Variants in DLGAP2 observed in about 807,000 individuals in gnomAD.
The protein encoded by DLGAP2 is DLG associated protein 2, also known as disks large-associated protein 2.
In DLGAP2, 26 loss-of-function variants were observed where a neutral mutation model predicts 100.3. The observed-to-expected ratio is 0.26, with a 90% CI of 0.19 to 0.36. DLGAP2 has a LOEUF of 0.36. Ranked by LOEUF, DLGAP2 falls within the 10% of genes least tolerant of loss-of-function variation. The pLI is 1.00. For missense variants in DLGAP2, 1,858 were observed against 1,453.2 expected (o/e 1.28, Z -4.53); for synonymous variants, 886 against 630.1 (o/e 1.41, Z -6.08).
At chr8:1,567,309 G>A (rs190428048) in intron 6 of DLGAP2, among the ~76,000 whole-genome samples, 7 of 152,264 alleles carry the variant, frequency 4.6e-5, no homozygotes, top group African/African-American at 1.2e-4. Flanking sequence ...CGTCTTCTGG[G>A]GAAAAGCACA....
At chr8:956,668 C>T (rs1034023492) in intron 2 of DLGAP2, among the ~76,000 whole-genome samples, 10 of 152,218 alleles carry the variant, frequency 6.6e-5, no homozygotes, top group African/African-American at 2.4e-4. Context: ...AGATCTAATA[C>T]ATGTGATGGC....
At chr8:1,668,931 C>T (rs1277805772) in intron 9 of DLGAP2, among the ~76,000 whole-genome samples, 2 of 144,854 alleles carry the variant, frequency 1.4e-5, no homozygotes, top group Admixed American at 6.9e-5. Context: ...AGCTCCCTGT[C>T]CCCTGCCACC....
intron 1 of DLGAP2, among the ~76,000 whole-genome samples, chr8:746,392 G>A (rs1279007783): frequency 6.6e-6 from 1 of 152,244 alleles, no homozygotes; most frequent in Non-Finnish European, 1.5e-5. Context: ...GAGGAAACTG[G>A]GGAAGAGGGG....
intron 2 of DLGAP2, among the ~76,000 whole-genome samples, chr8:1,174,025 C>T (rs79435448): frequency 0.03 from 4,578 of 152,212 alleles, 117 homozygotes; most frequent in East Asian, 0.1. Context: ...ATCTTGGCTC[C>T]TCCGCTCGAT....
intron 2 of DLGAP2, among the ~76,000 whole-genome samples, chr8:982,323 A>G (rs1283093969): frequency 6.6e-6 from 1 of 152,212 alleles, no homozygotes; most frequent in African/African-American, 2.4e-5. Context: ...GACAGTTTTT[A>G]CTGTAATAAT....
At chr8:1,171,851 T>C (rs1202571786) in intron 2 of DLGAP2, among the ~76,000 whole-genome samples, 1 of 152,236 alleles carries the variant, frequency 6.6e-6, no homozygotes, top group Non-Finnish European at 1.5e-5. Context: ...TGCCAGTCTG[T>C]GTCTTTTAAT....
intron 3 of DLGAP2, among the ~76,000 whole-genome samples, chr8:1,372,130 A>G (rs1802253099): frequency 6.6e-6 from 1 of 152,152 alleles, no homozygotes; most frequent in Non-Finnish European, 1.5e-5. Context: ...CCTCACCTGC[A>G]GGCACCTACA....
intron 5 of DLGAP2, among the ~76,000 whole-genome samples, chr8:1,562,736 G>A (rs1584930276): frequency 3.5e-5 from 1 of 28,704 alleles, no homozygotes; most frequent in East Asian, 1.2e-3. Context: ...GTTACTGGGG[G>A]ACTGTGTGGT....
chr8:1,088,206 C>T (rs1307069209), intron 2 of DLGAP2, among the ~76,000 whole-genome samples: 2 of 152,228 alleles, frequency 1.3e-5, no homozygotes, highest in Non-Finnish European at 1.5e-5. Flanking sequence ...CTGCACTAGT[C>T]CTGGTAGCCA....
intron 6 of DLGAP2, among the ~76,000 whole-genome samples, chr8:1,624,409 G>A (rs1378936152): frequency 6.6e-6 from 1 of 151,934 alleles, no homozygotes. Flanking sequence ...TCCATAGCTC[G>A]GGGCTTCGTC....
chr8:1,414,391 G>T (rs1461476207), intron 3 of DLGAP2, among the ~76,000 whole-genome samples: 1 of 152,238 alleles, frequency 6.6e-6, no homozygotes, highest in African/African-American at 2.4e-5. Context: ...AGAAATGCAA[G>T]GTCCGGGGTG....
chr8:1,315,940 C>G (rs1364006402), intron 3 of DLGAP2, among the ~76,000 whole-genome samples: 1 of 135,744 alleles, frequency 7.4e-6, no homozygotes, highest in Non-Finnish European at 1.6e-5. Context: ...CAGCCTCTCT[C>G]CAACAGTGGT....
intron 2 of DLGAP2, among the ~76,000 whole-genome samples, chr8:1,251,442 T>C (rs943583978): frequency 1.3e-5 from 2 of 152,198 alleles, no homozygotes; most frequent in Non-Finnish European, 2.9e-5. Flanking sequence ...AAATTGTATT[T>C]ACTGATTTAT....
At chr8:1,585,634 A>G (rs1402644944) in intron 6 of DLGAP2, among the ~76,000 whole-genome samples, 2 of 152,202 alleles carry the variant, frequency 1.3e-5, no homozygotes, top group East Asian at 3.9e-4. Context: ...AATGCAGCTT[A>G]GCGAGCTCAC....
At chr8:1,546,663 C>A (rs1320265930) in intron 4 of DLGAP2, among the ~76,000 whole-genome samples, 2 of 152,186 alleles carry the variant, frequency 1.3e-5, no homozygotes, top group Non-Finnish European at 2.9e-5. Context: ...CACTCCCCAT[C>A]ACTCTGCTTG....
chr8:1,640,460 G>C (rs920908978), intron 8 of DLGAP2, among the ~76,000 whole-genome samples: 1 of 152,270 alleles, frequency 6.6e-6, no homozygotes, highest in East Asian at 1.9e-4. Context: ...TGCGGGAGTC[G>C]GTCCGAGATG....
At chr8:1,166,717 A>G (rs1797023840) in intron 2 of DLGAP2, among the ~76,000 whole-genome samples, 1 of 152,192 alleles carries the variant, frequency 6.6e-6, no homozygotes, top group Non-Finnish European at 1.5e-5. Flanking sequence ...ATCTATCAAA[A>G]AACATCACAG....
intron 6 of DLGAP2, among the ~76,000 whole-genome samples, chr8:1,591,769 C>G (rs1257918536): frequency 6.6e-6 from 1 of 152,202 alleles, no homozygotes; most frequent in African/African-American, 2.4e-5. Context: ...GGATCTCCAG[C>G]GGGAGGCCCT....
intron 2 of DLGAP2, among the ~76,000 whole-genome samples, chr8:1,027,673 C>T (rs1430868440): frequency 3.4e-5 from 1 of 29,332 alleles, no homozygotes; most frequent in Non-Finnish European, 6.7e-5. Context: ...TATTCTCCAG[C>T]TGGGGTGCCA....
Sources: gnomAD v4.1 joint callset for allele counts (sites outside exome capture counted in the v4.1 genomes callset) on GRCh38, gnomAD v4.1.1 for gene constraint, MANE v1.5 for transcripts, NCBI Gene and HGNC (gene_info 2026-07-23, HGNC 2026-07-21) for gene names.